The following CA1 variants were observed in gnomAD, a reference collection of about 807,000 sequenced individuals.
The protein encoded by CA1 is carbonate dehydratase I.
In CA1, 27 loss-of-function variants were observed where a neutral mutation model predicts 28.8. The observed-to-expected ratio is 0.94, with a 90% CI of 0.69 to 1.29. CA1 has a LOEUF of 1.29. CA1 is among the 50% of genes most tolerant of loss of function. The pLI, the probability that CA1 is intolerant of heterozygous loss-of-function variation, is 0.00. For missense variants in CA1, 335 were observed against 310.5 expected (o/e 1.08, Z -0.59); for synonymous variants, 121 against 108.8 (o/e 1.11, Z -0.70).
At chr8:85,372,353 C>A (rs1186927223) in intron 1 of CA1, among the ~76,000 whole-genome samples, 1 of 152,114 alleles carries the variant, frequency 6.6e-6, no homozygotes, top group Non-Finnish European at 1.5e-5. Flanking sequence ...GAAATGAGAA[C>A]CCTTGTGCAT....
intron 1 of CA1, among the ~76,000 whole-genome samples, chr8:85,371,910 A>G (rs1022796308): frequency 6.6e-6 from 1 of 152,182 alleles, no homozygotes; most frequent in Non-Finnish European, 1.5e-5. Context: ...TCAACCATCA[A>G]ACATCCATTA....
intron 5 of CA1, 130 bp from the exon 6 acceptor site, chr8:85,332,682 G>A: frequency 1.4e-6 from 1 of 712,412 alleles, no homozygotes; most frequent in South Asian, 1.5e-5. Flanking sequence ...CTTTAGAAGG[G>A]GAGATTTTTC....
chr8:85,372,061 T>A (rs1810248170), intron 1 of CA1, among the ~76,000 whole-genome samples: 1 of 152,196 alleles, frequency 6.6e-6, no homozygotes, highest in Non-Finnish European at 1.5e-5. Flanking sequence ...GACTACGTGC[T>A]AATGGTTTCA....
At chr8:85,334,891 G>C (rs74518532) in intron 4 of CA1, among the ~76,000 whole-genome samples, 2 of 152,060 alleles carry the variant, frequency 1.3e-5, no homozygotes, top group Admixed American at 6.6e-5. Flanking sequence ...TCAGGAGGCC[G>C]GGGCAGGAGA....
chr8:85,333,527 T>G lies in CA1; in HGVS notation c.448A>C (p.Lys150Gln). The change falls in exon 5 of 8, where the codon AAG becomes CAG. Residue 150 changes from lysine to glutamine, a missense_variant and splice_region_variant. Transcript: ENST00000523022. Reference sequence around the variant, plus strand: ...CTGTGTAATTATCTGTAACTCACCTTCATCAAAACACCAATAACTGCCAAA... The same window carrying G: ...CTGTGTAATTATCTGTAACTCACCTGCATCAAAACACCAATAACTGCCAAA... ...DGLAVIGVLM[K>Q]VGEANPKLQK... 1 of 1,600,418 alleles carries G rather than the reference T, an allele frequency of 6.2e-7. No homozygotes were observed. Among genetic ancestry groups the G allele is most frequent in the Non-Finnish European group, 8.6e-7 (1 of 1,168,016 alleles).
Position 85,327,626 on chromosome 8 carries a change from G to C in CA1, c.*934C>G, listed in dbSNP as rs1162887835. 6.6e-6 allele frequency: 1 copy of C among 152,170 alleles called. No individual in the cohort carries two copies. The highest frequency in any genetic ancestry group is 6.6e-5 in the Admixed American group (1 of 15,246). 9.4% of individuals were successfully genotyped at this position (152,170 alleles called of 1,614,324 possible). A position where few individuals can be genotyped will look rare whatever the true frequency, so the allele number is the denominator to read the frequency against. On this transcript the variant is annotated 3_prime_UTR_variant, in exon 8 of 8. Coordinates refer to ENST00000523022, the MANE Select transcript of CA1 (RefSeq NM_001128831.4). ...TGATCACACCATCGCACTCCACCCT[G>C]ACTGGCAGAGTGAGACCTTGTCTCA...
chr8:85,353,454 T>A (rs1355284406), intron 1 of CA1, among the ~76,000 whole-genome samples: 1 of 152,248 alleles, frequency 6.6e-6, no homozygotes, highest in Non-Finnish European at 1.5e-5. Context: ...ATTTGATGCA[T>A]ATACATGGGT....
At chr8:85,364,477 C>T (rs1809927925) in intron 1 of CA1, among the ~76,000 whole-genome samples, 1 of 152,196 alleles carries the variant, frequency 6.6e-6, no homozygotes, top group Non-Finnish European at 1.5e-5. Flanking sequence ...GTCTTCCATT[C>T]TCTTCAGTAG....
intron 2 of CA1, 33 bp downstream of exon 2, chr8:85,341,566 C>A: frequency 7.5e-7 from 1 of 1,330,114 alleles, no homozygotes; most frequent in Non-Finnish European, 1.1e-6. Flanking sequence ...AACAAGTTAT[C>A]ATTTTGATCT....
chr8:85,353,550 C>T (rs1032624109), intron 1 of CA1, among the ~76,000 whole-genome samples: 1 of 152,130 alleles, frequency 6.6e-6, no homozygotes, highest in Non-Finnish European at 1.5e-5. Context: ...ACTTTTTCCC[C>T]TTAATACATT....
rs187306974 is a variant in CA1, at chr8:85,373,700, C to T, written c.-25+4346G>A. 1.4e-3 allele frequency among the ~76,000 whole-genome samples: 218 copies of T among 152,148 alleles called. 4 individuals are homozygous for T. The highest frequency in any genetic ancestry group is 4.4e-4 in the Non-Finnish European group (30 of 68,006). Reference sequence around the variant, plus strand: ...CATGGTTTCAGGTATTGTCTTGTAACGTATCCTCACAGATAAGGGGGACTA... The same window carrying T: ...CATGGTTTCAGGTATTGTCTTGTAATGTATCCTCACAGATAAGGGGGACTA... On this transcript the variant is annotated intron_variant, in intron 1 of 7. Transcript: ENST00000523022.
rs200922267 is a variant in CA1, at chr8:85,327,653, AAAAC to A, written c.*903_*906del. The A allele has an allele frequency of 0.014, 2,200 of 152,322 alleles. 29 individuals carry two copies. Among genetic ancestry groups the A allele is most frequent in the Non-Finnish European group, 0.023 (1,560 of 68,094 alleles). 9.4% of individuals were successfully genotyped at this position (152,322 alleles called of 1,614,324 possible). A position where few individuals can be genotyped will look rare whatever the true frequency, so the allele number is the denominator to read the frequency against. On this transcript the variant is annotated 3_prime_UTR_variant, in exon 8 of 8. Coordinates refer to ENST00000523022, the MANE Select transcript of CA1 (RefSeq NM_001128831.4). ...CTGGCAGAGTGAGACCTTGTCTCAA[AAAAC>A]AAACAAACAAACAGAAAACACCACA...
At position 85,328,198 on chromosome 8, in the gene CA1, ATGGTTTTAGAAACTG is replaced by A. The variant is rs1428804940; in HGVS notation, c.*347_*361del. 6.0e-6 allele frequency: 1 copy of A among 166,412 alleles called. No individual in the cohort carries two copies. The highest frequency in any genetic ancestry group is 1.3e-5 in the Non-Finnish European group (1 of 77,272). The allele number at this position is 166,412 out of a possible 1,614,324, so 10.3% of individuals were successfully genotyped here. A position where few individuals can be genotyped will look rare whatever the true frequency, so the allele number is the denominator to read the frequency against. ...TGAATGTAAATGGAGTAGAAACTTAATGGTTTTAGAAACTGAATGCACAACAGAAAGAAAGAGATA... is the reference window on the plus strand; with the variant it reads ...TGAATGTAAATGGAGTAGAAACTTAAAATGCACAACAGAAAGAAAGAGATA... On this transcript the variant is annotated 3_prime_UTR_variant, in exon 8 of 8. Coordinates refer to ENST00000523022, the MANE Select transcript of CA1 (RefSeq NM_001128831.4).
chr8:85,339,672 C>A (rs1257065077), intron 2 of CA1, among the ~76,000 whole-genome samples: 1 of 152,152 alleles, frequency 6.6e-6, no homozygotes, highest in African/African-American at 2.4e-5. Flanking sequence ...ACCTCTTGTG[C>A]CAGTTAGTCA....
chr8:85,332,253 A>G, intron 6 of CA1: 1 of 422,422 alleles, frequency 2.4e-6, no homozygotes. Context: ...CTGGTTTTCT[A>G]CAGGCCATAT....
chr8:85,363,867 C>T (rs936491206), intron 1 of CA1, among the ~76,000 whole-genome samples: 3 of 152,230 alleles, frequency 2.0e-5, no homozygotes, highest in Non-Finnish European at 4.4e-5. Flanking sequence ...CAAACACCAC[C>T]ACCTAGCAGG....
At chr8:85,340,211 AAATGC>A (rs544672569) in intron 2 of CA1, among the ~76,000 whole-genome samples, 56 of 152,334 alleles carry the variant, frequency 3.7e-4, no homozygotes, top group Admixed American at 3.5e-3. Flanking sequence ...TGTTAGGGTC[AAATGC>A]AACTGTTGAC....
intron 1 of CA1, among the ~76,000 whole-genome samples, chr8:85,352,263 A>G (rs935845350): frequency 1.4e-4 from 22 of 152,220 alleles, no homozygotes; most frequent in African/African-American, 5.1e-4. Context: ...TGAGTGTGGG[A>G]GGGGAGAGAA....
intron 1 of CA1, among the ~76,000 whole-genome samples, chr8:85,349,520 A>C (rs1809325196): frequency 6.6e-6 from 1 of 152,216 alleles, no homozygotes; most frequent in Non-Finnish European, 1.5e-5. Context: ...CAGTCATTGT[A>C]GTTTCCCTAA....
Sources: allele counts gnomAD v4.1 joint callset (sites outside exome capture counted in the v4.1 genomes callset), GRCh38; gene constraint gnomAD v4.1.1; transcripts MANE v1.5; gene names NCBI Gene and HGNC (gene_info 2026-07-23, HGNC 2026-07-21).